Variants in TRPM3 observed in about 807,000 individuals in gnomAD.
TRPM3 encodes the protein long transient receptor potential channel 3.
A neutral mutation model predicts 181.2 loss-of-function variants in TRPM3; 77 were observed. The observed-to-expected ratio is 0.42, with a 90% CI of 0.35 to 0.51. TRPM3 has a LOEUF of 0.51. Among genes scored for constraint, TRPM3 ranks in the 20% least tolerant of loss-of-function variants. The probability of loss-of-function intolerance (pLI) is 0.01; values close to 1 mark genes in which losing one functional copy is unlikely to be tolerated. For synonymous variants in TRPM3, 745 were observed against 796.4 expected, an observed-to-expected ratio of 0.94 and a Z score of 1.09; for missense variants, 1,759 against 2,196.7, an observed-to-expected ratio of 0.80 and a Z score of 3.98.
intron 1 of TRPM3, among the ~76,000 whole-genome samples, chr9:71,008,349 T>C (rs1018790076): frequency 2.6e-5 from 4 of 151,396 alleles, no homozygotes; most frequent in African/African-American, 9.8e-5. Flanking sequence ...AGAAGAACTA[T>C]ATTAATACTT....
chr9:71,289,200 T>A (rs1435307545), intron 1 of TRPM3, among the ~76,000 whole-genome samples: 1 of 151,988 alleles, frequency 6.6e-6, no homozygotes, highest in Non-Finnish European at 1.5e-5. Context: ...AAACGCTAAC[T>A]GCAGGATTTA....
intron 1 of TRPM3, among the ~76,000 whole-genome samples, chr9:70,976,662 G>C (rs7047584): frequency 3.2e-4 from 48 of 152,216 alleles, no homozygotes; most frequent in African/African-American, 1.1e-3. Context: ...CCGCCTACAG[G>C]AAATGCCTGG....
chr9:71,034,825 A>G (rs2057993143), intron 1 of TRPM3, among the ~76,000 whole-genome samples: 1 of 151,938 alleles, frequency 6.6e-6, no homozygotes, highest in Non-Finnish European at 1.5e-5. Flanking sequence ...TCAACACATC[A>G]TTCAGTGTGA....
At chr9:70,915,977 G>T (rs2096590374) in intron 1 of TRPM3, among the ~76,000 whole-genome samples, 1 of 152,112 alleles carries the variant, frequency 6.6e-6, no homozygotes, top group Admixed American at 6.6e-5. Flanking sequence ...GATAAAGAAT[G>T]AATACTAAAA....
chr9:70,535,264 C>T lies in TRPM3; in HGVS notation c.*689G>A. ...GCAATACAAAAAGGCATTTCTGTTC[C>T]CTTATTTTCTTCAAAAAAGGATAAA... On this transcript the variant is annotated 3_prime_UTR_variant, in exon 26 of 26. Transcript: ENST00000677713. 2.6e-6 allele frequency: 2 copies of T among 757,508 alleles called. No homozygotes were observed. The highest frequency in any genetic ancestry group is 2.1e-6 in the Non-Finnish European group (1 of 484,854). 46.9% of individuals were successfully genotyped at this position (757,508 alleles called of 1,614,324 possible). A position where few individuals can be genotyped will look rare whatever the true frequency, so the allele number is the denominator to read the frequency against.
At chr9:71,343,354 C>A (rs896642624) in intron 1 of TRPM3, among the ~76,000 whole-genome samples, 1 of 152,124 alleles carries the variant, frequency 6.6e-6, no homozygotes, top group African/African-American at 2.4e-5. Flanking sequence ...TTTGACAATA[C>A]AACTTCACTA....
intron 14 of TRPM3, 66 bp from the exon 15 acceptor site, chr9:70,621,339 A>G: frequency 8.2e-7 from 1 of 1,219,754 alleles, no homozygotes; most frequent in Non-Finnish European, 1.1e-6. Flanking sequence ...AGGTAAGAAG[A>G]GTCCTATTAT....
Position 70,846,609 on chromosome 9 carries a change from A to C in TRPM3, c.463-18T>G, listed in dbSNP as rs745887368. On this transcript the variant is annotated intron_variant, in intron 3 of 25. Coordinates refer to ENST00000677713, the MANE Select transcript of TRPM3 (RefSeq NM_001366145.2). ...CGCACATACTGGAAGAAGAAAGGAC[A>C]TCAATTAGGGAGACAAGGCAGGACT... 13 of 1,607,076 alleles carry C rather than the reference A, an allele frequency of 8.1e-6. No homozygotes were observed. The highest frequency in any genetic ancestry group is 1.1e-5 in the Non-Finnish European group (13 of 1,173,626).
intron 1 of TRPM3, among the ~76,000 whole-genome samples, chr9:71,248,882 C>T (rs910077502): frequency 2.0e-5 from 3 of 151,968 alleles, no homozygotes; most frequent in Non-Finnish European, 2.9e-5. Flanking sequence ...CAAAACGTAA[C>T]GACAAGCCAC....
At chr9:71,172,109 C>T (rs2076894676) in intron 1 of TRPM3, among the ~76,000 whole-genome samples, 1 of 152,016 alleles carries the variant, frequency 6.6e-6, no homozygotes, top group Non-Finnish European at 1.5e-5. Context: ...GCTCTGTCGC[C>T]CAGGCTGATT....
chr9:71,389,003 A>T (rs1185142492), intron 1 of TRPM3, among the ~76,000 whole-genome samples: 2 of 152,210 alleles, frequency 1.3e-5, no homozygotes, highest in African/African-American at 4.8e-5. Flanking sequence ...TTACATGATA[A>T]AAAGAAGAGA....
chr9:70,977,017 G>A (rs558757162), intron 1 of TRPM3, among the ~76,000 whole-genome samples: 6 of 152,290 alleles, frequency 3.9e-5, no homozygotes, highest in African/African-American at 1.4e-4. Flanking sequence ...GAAAGACACA[G>A]CAGAACTTTA....
chr9:71,090,043 C>G (rs530600602), intron 1 of TRPM3, among the ~76,000 whole-genome samples: 1 of 152,270 alleles, frequency 6.6e-6, no homozygotes, highest in South Asian at 2.1e-4. Context: ...TCCTGGACTG[C>G]GTGCAGCCTG....
At chr9:71,138,391 G>A (rs1232491418) in intron 1 of TRPM3, among the ~76,000 whole-genome samples, 1 of 152,148 alleles carries the variant, frequency 6.6e-6, no homozygotes, top group Non-Finnish European at 1.5e-5. Context: ...ATGGTTGCCT[G>A]AACTCAGGAC....
intron 1 of TRPM3, among the ~76,000 whole-genome samples, chr9:71,278,001 C>T (rs73649703): frequency 0.025 from 3,766 of 152,264 alleles, 91 homozygotes; most frequent in East Asian, 0.074. Flanking sequence ...AAACGCAGCA[C>T]ATTTTGTTCT....
chr9:70,958,872 T>C (rs1047968931), intron 1 of TRPM3, among the ~76,000 whole-genome samples: 5 of 151,686 alleles, frequency 3.3e-5, no homozygotes, highest in South Asian at 2.1e-4. Flanking sequence ...ATGGATGAAA[T>C]TGGAAATCAT....
intron 1 of TRPM3, among the ~76,000 whole-genome samples, chr9:71,336,976 G>GT (rs1565475725): frequency 6.6e-6 from 1 of 152,108 alleles, no homozygotes; most frequent in African/African-American, 2.4e-5. Context: ...AGACTTCAAC[G>GT]TAAGATCTAA....
chr9:71,114,553 G>A lies in TRPM3; in HGVS notation c.177+6625C>T, dbSNP rs987275471. 3.9e-5 allele frequency among the ~76,000 whole-genome samples: 6 copies of A among 152,240 alleles called. No individual in the cohort carries two copies. In the East Asian group the frequency reaches 7.7e-4, roughly 20 times the overall value. ...GCTTTTCCAAATGAAAGCCCTAAAT[G>A]TTCTCTTCCTCCTCCTTTCTGTCCA... On this transcript the variant is annotated intron_variant, in intron 1 of 25. Transcript: ENST00000677713.
intron 1 of TRPM3, among the ~76,000 whole-genome samples, chr9:71,131,145 A>G (rs1353327507): frequency 2.0e-5 from 3 of 152,170 alleles, no homozygotes; most frequent in Non-Finnish European, 4.4e-5. Context: ...GACATTTCCA[A>G]TTCATCATGC....
Sources: gnomAD v4.1 joint callset for allele counts (sites outside exome capture counted in the v4.1 genomes callset) on GRCh38, gnomAD v4.1.1 for gene constraint, MANE v1.5 for transcripts, NCBI Gene and HGNC (gene_info 2026-07-23, HGNC 2026-07-21) for gene names.